RUBCN: variants seen among roughly 807,000 people sequenced by gnomAD.
RUBCN encodes rubicon autophagy regulator, also known as run domain Beclin-1-interacting and cysteine-rich domain-containing protein.
RUBCN carries 74 observed loss-of-function variants against 113.2 expected under a neutral mutation model. The ratio of observed to expected loss-of-function variants is 0.65; its 90% CI spans 0.54 to 0.79. The LOEUF is 0.79. RUBCN is among the 30% of genes least tolerant of loss of function. The pLI is 0.00. For synonymous variants in RUBCN, 480 were observed against 490.0 expected (o/e 0.98, Z 0.27); for missense variants, 1,109 against 1,251.7 (o/e 0.89, Z 1.72).
intron 2 of RUBCN, among the ~76,000 whole-genome samples, chr3:197,717,458 G>A (rs114409323): frequency 0.012 from 1,830 of 152,030 alleles, 44 homozygotes; most frequent in African/African-American, 0.043. Context: ...AAAAAAAGGG[G>A]GGGGCAGAGA....
upstream of RUBCN, among the ~76,000 whole-genome samples, chr3:197,741,133 TA>T (rs1446593760): frequency 6.6e-6 from 1 of 152,172 alleles, no homozygotes; most frequent in East Asian, 1.9e-4. Flanking sequence ...CATGGGGACC[TA>T]AAAAAATAGT....
At chr3:197,733,408 G>A (rs1480595583) in intron 1 of RUBCN, among the ~76,000 whole-genome samples, 3 of 152,176 alleles carry the variant, frequency 2.0e-5, no homozygotes, top group African/African-American at 7.2e-5. Context: ...CCTGAGCCCA[G>A]GAGTTTGAGG....
chr3:197,743,130 A>G (rs529129449), intron 1 of RUBCN, among the ~76,000 whole-genome samples: 1 of 152,348 alleles, frequency 6.6e-6, no homozygotes, highest in African/African-American at 2.4e-5. Context: ...TAAACTTGCT[A>G]GCTGAGGCGG....
intron 1 of RUBCN, chr3:197,748,533 C>T (rs1158231590): frequency 6.6e-6 from 1 of 152,072 alleles, no homozygotes; most frequent in Non-Finnish European, 1.5e-5. Context: ...AAAAATCATA[C>T]ATTTCCCCAA....
rs1359940208 is a variant in RUBCN at position 197,683,208 on chromosome 3, C to CA, written c.1980+98dup. The CA allele has an allele frequency of 7.0e-7, 1 of 1,437,914 alleles. No homozygotes were observed. Among genetic ancestry groups the CA allele is most frequent in the African/African-American group, 1.4e-5 (1 of 71,526 alleles). The allele number at this position is 1,437,914 out of a possible 1,614,324, so 89.1% of individuals were successfully genotyped here. A position where few individuals can be genotyped will look rare whatever the true frequency, so the allele number is the denominator to read the frequency against. On this transcript the variant is annotated intron_variant, in intron 13 of 19. Transcript: ENST00000296343. The surrounding 1 kb of genome is among the most constrained non-coding windows in gnomAD (Gnocchi z 4.6). ...ATGGCTTCCACGAGTAAGGGGGGAA[C>CA]ACCCAGGCTCATTCCAGACTAGGGA...
At chr3:197,749,518 T>C in exon 1 of RUBCN, 1 of 1,289,944 alleles carries the variant, frequency 7.8e-7, no homozygotes, top group Non-Finnish European at 1.0e-6. Flanking sequence ...CGCAGGGGTC[T>C]GTCCTGCCTC....
At chr3:197,723,041 T>C (rs919872716) in intron 1 of RUBCN, among the ~76,000 whole-genome samples, 1 of 152,188 alleles carries the variant, frequency 6.6e-6, no homozygotes, top group African/African-American at 2.4e-5. Flanking sequence ...CTGTCTTCTG[T>C]TGTGGCACTT....
Position 197,693,628 on chromosome 3 carries a change from T to C in RUBCN, c.1786+87A>G, listed in dbSNP as rs1049697522. The C allele has an allele frequency of 9.7e-6, 9 of 923,424 alleles. No homozygotes were observed. The African/African-American group carries it at 1.5e-4, about 15-fold the overall frequency. 57.2% of individuals were successfully genotyped at this position (923,424 alleles called of 1,614,324 possible). A position where few individuals can be genotyped will look rare whatever the true frequency, so the allele number is the denominator to read the frequency against. On this transcript the variant is annotated intron_variant, in intron 11 of 19. Transcript: ENST00000296343. ...TAACAACAATCCATAATGAAGATCT[T>C]CTACTTAGGAAACACTTCGCAGCTT...
At chr3:197,720,413 A>AT (rs997783761) in intron 1 of RUBCN, among the ~76,000 whole-genome samples, 3,124 of 145,822 alleles carry the variant, frequency 0.021, 83 homozygotes, top group South Asian at 0.12. Flanking sequence ...GTTGACGGAC[A>AT]TTTTTTTTTT....
intron 18 of RUBCN, chr3:197,676,674 A>T: frequency 1.4e-6 from 2 of 1,425,232 alleles, no homozygotes; most frequent in South Asian, 1.5e-5. Flanking sequence ...CACAGCCAGC[A>T]CCAGCTCCTC....
At chr3:197,745,090 T>G (rs1248443435) in intron 1 of RUBCN, among the ~76,000 whole-genome samples, 4 of 150,294 alleles carry the variant, frequency 2.7e-5, no homozygotes, top group South Asian at 2.1e-4. Flanking sequence ...ATCGAGACCA[T>G]CCTGGCCAAC....
chr3:197,682,635 T>C lies in RUBCN; in HGVS notation c.1981-20A>G, dbSNP rs1322498263. ...CAGGAGCTGCAGGAGGAAAGCACAG[T>C]TGGGGTAAGCTCGTGTCAGTGTGCT... On this transcript the variant is annotated intron_variant, in intron 13 of 19. Transcript: ENST00000296343. The C allele has an allele frequency of 1.0e-5, 16 of 1,600,292 alleles. No homozygotes were observed. In the East Asian group the frequency reaches 2.5e-4, roughly 25 times the overall value.
intron 1 of RUBCN, among the ~76,000 whole-genome samples, chr3:197,731,802 ACCCCCCCACCTCCCTCCGGGACAGGGCG>A (rs1727528174): frequency 6.8e-6 from 1 of 147,812 alleles, no homozygotes; most frequent in Admixed American, 6.7e-5. Context: ...CGGGGGGCTG[ACCCCCCCACCTCCCTCCGGGACAGGGCG>A]GCTGGCCGGG....
At position 197,695,920 on chromosome 3, in the gene RUBCN, G is replaced by T; in HGVS notation, c.1419C>A (p.Ser473=). 1.9e-6 allele frequency: 3 copies of T among 1,614,112 alleles called. No homozygotes were observed. Among genetic ancestry groups the T allele is most frequent in the Non-Finnish European group, 2.5e-6 (3 of 1,180,006 alleles). Residue 473 remains serine (S), a synonymous_variant, in exon 9 of 20, where the codon TCC becomes TCA. Coordinates refer to ENST00000296343, the MANE Select transcript of RUBCN (RefSeq NM_014687.4). ...GMFRRPSEGQ[S]LISYLSEQDF... is the part of the protein sequence containing the mutation. Reference sequence around the variant, plus strand: ...CTTGCTCAGAGAGGTAGCTGATGAGGGACTGTCCTTCTGATGGTCTTCGGA... The same window carrying T: ...CTTGCTCAGAGAGGTAGCTGATGAGTGACTGTCCTTCTGATGGTCTTCGGA...
In RUBCN at chr3:197,682,511, C is replaced by A. The variant is rs1244737909; in HGVS notation, c.2085G>T (p.Pro695=). 4 of 1,614,080 alleles carry A rather than the reference C, an allele frequency of 2.5e-6. No individual in the cohort carries two copies. Among genetic ancestry groups the A allele is most frequent in the South Asian group, 2.2e-5 (2 of 91,072 alleles). ...IRVRGNLEWA[P]PRPQIIFNVH... ...CATTAAAAATTATCTGAGGCCGGGG[C>A]GGGGCCCACTCCAAGTTGCCACGAA... The change falls in exon 14 of 20, where the codon CCG becomes CCT. Residue 695 remains proline, a synonymous_variant. Transcript: ENST00000296343.
At chr3:197,707,949 G>GCC (rs1724502200) in intron 2 of RUBCN, among the ~76,000 whole-genome samples, 1 of 150,070 alleles carries the variant, frequency 6.7e-6, no homozygotes, top group Non-Finnish European at 1.5e-5. Flanking sequence ...GGGCAATAGT[G>GCC]CAATACTCTG....
chr3:197,715,179 C>T (rs1425823492), intron 2 of RUBCN, among the ~76,000 whole-genome samples: 2 of 151,326 alleles, frequency 1.3e-5, no homozygotes, highest in Non-Finnish European at 1.5e-5. Flanking sequence ...ATCCCAGCTA[C>T]TCGGGAGGCT....
chr3:197,685,573 T>C (rs550171313), intron 11 of RUBCN, among the ~76,000 whole-genome samples: 1 of 152,338 alleles, frequency 6.6e-6, no homozygotes, highest in African/African-American at 2.4e-5. Flanking sequence ...TATACTCAAA[T>C]AACATTGTTG....
chr3:197,736,636 G>T lies in RUBCN; in HGVS notation c.65+19C>A. The T allele has an allele frequency of 6.5e-7, 1 of 1,532,314 alleles. No individual in the cohort carries two copies. Among genetic ancestry groups the T allele is most frequent in the Non-Finnish European group, 8.7e-7 (1 of 1,146,002 alleles). The allele number at this position is 1,532,314 out of a possible 1,614,324, so 94.9% of individuals were successfully genotyped here. On this transcript the variant is annotated intron_variant, in intron 1 of 19. Coordinates refer to ENST00000296343, the MANE Select transcript of RUBCN (RefSeq NM_014687.4). The stretch of plus-strand genomic sequence containing the variant: ...CGGCGCCTGTCGCTGCCCCGACTCC[G>T]CGGCGGCTCCCAGCCCACCTGCTCT...
Sources: allele counts gnomAD v4.1 joint callset (sites outside exome capture counted in the v4.1 genomes callset), GRCh38; gene constraint gnomAD v4.1.1; non-coding constraint Gnocchi (gnomAD v3.1); transcripts MANE v1.5; gene names NCBI Gene and HGNC (gene_info 2026-07-23, HGNC 2026-07-21).